Variants in REEP1 observed in about 807,000 individuals in gnomAD.
The protein encoded by REEP1 is receptor accessory protein 1, also known as receptor expression-enhancing protein 1.
REEP1 carries 22 observed loss-of-function variants against 40.3 expected under a neutral mutation model. The observed-to-expected ratio is 0.55, with a 90% CI of 0.39 to 0.78. The LOEUF (loss-of-function observed/expected upper bound fraction) is 0.78, where lower values mean the gene tolerates loss of function less well. Among genes scored for constraint, REEP1 ranks in the 30% least tolerant of loss-of-function variants. The pLI is 0.00. For synonymous variants in REEP1, 116 were observed against 139.2 expected (o/e 0.83, Z 1.17); for missense variants, 280 against 361.1 (o/e 0.78, Z 1.82).
At chr2:86,243,672 C>CGAGTTGACTAATATTTGG (rs1447160492) in intron 5 of REEP1, among the ~76,000 whole-genome samples, 4 of 152,160 alleles carry the variant, frequency 2.6e-5, no homozygotes, top group African/African-American at 9.7e-5. Flanking sequence ...AACTTGGGTA[C>CGAGTTGACTAATATTTGG]GAGTTGACTA....
intron 1 of REEP1, among the ~76,000 whole-genome samples, chr2:86,313,683 C>T (rs1679865599): frequency 6.6e-6 from 1 of 152,184 alleles, no homozygotes; most frequent in Non-Finnish European, 1.5e-5. Context: ...CCCCAGTTTG[C>T]TTTGAAAATA....
At chr2:86,294,129 G>A (rs971671668) in intron 1 of REEP1, among the ~76,000 whole-genome samples, 12 of 152,192 alleles carry the variant, frequency 7.9e-5, no homozygotes, top group African/African-American at 2.9e-4. Context: ...TAGAATGGTG[G>A]TTGCCACAGG....
chr2:86,316,689 T>C (rs1193797157), intron 1 of REEP1, among the ~76,000 whole-genome samples: 2 of 151,282 alleles, frequency 1.3e-5, no homozygotes, highest in African/African-American at 2.4e-5. Context: ...TGAAACCCTA[T>C]CTCTACTAAA....
intron 2 of REEP1, among the ~76,000 whole-genome samples, chr2:86,268,582 C>T (rs1677265286): frequency 6.6e-6 from 1 of 152,040 alleles, no homozygotes; most frequent in South Asian, 2.1e-4. Flanking sequence ...TTCAATGCAA[C>T]CCCAATCACA....
intron 2 of REEP1, among the ~76,000 whole-genome samples, chr2:86,279,414 A>G (rs1677936155): frequency 6.6e-6 from 1 of 152,206 alleles, no homozygotes; most frequent in Non-Finnish European, 1.5e-5. Flanking sequence ...ATGGCACTGG[A>G]TGTCATGTGG....
intron 1 of REEP1, among the ~76,000 whole-genome samples, chr2:86,314,838 A>G (rs1251888736): frequency 1.3e-5 from 2 of 150,704 alleles, no homozygotes; most frequent in Non-Finnish European, 3.0e-5. Context: ...GACTACAGGC[A>G]TGCGCCACCA....
chr2:86,285,392 G>A (rs1351374966), intron 1 of REEP1, among the ~76,000 whole-genome samples: 8 of 152,170 alleles, frequency 5.3e-5, no homozygotes, highest in Admixed American at 3.9e-4. Context: ...GCCTTATGTA[G>A]TAGCAGCAAT....
intron 3 of REEP1, 77 bp from the exon 4 acceptor site, chr2:86,254,891 G>A (rs1434423600): frequency 6.5e-7 from 1 of 1,549,594 alleles, no homozygotes; most frequent in African/African-American, 1.4e-5. Context: ...GACCCGGTGG[G>A]TGGCAAGGAC....
chr2:86,330,438 TGTGTG>T (rs1680715541), intron 1 of REEP1, among the ~76,000 whole-genome samples: 2 of 150,698 alleles, frequency 1.3e-5, no homozygotes, highest in African/African-American at 4.9e-5. Flanking sequence ...TGTGTGTGTG[TGTGTG>T]TGTGTGTGTG....
intron 5 of REEP1, among the ~76,000 whole-genome samples, chr2:86,237,676 C>A (rs947704196): frequency 1.3e-5 from 2 of 152,032 alleles, no homozygotes; most frequent in African/African-American, 4.8e-5. Context: ...GTGGCCACCA[C>A]CACGCCCGGC....
At chr2:86,240,188 A>G (rs1209761093) in intron 5 of REEP1, 1 of 152,496 alleles carries the variant, frequency 6.6e-6, no homozygotes. Flanking sequence ...TCACCCATTT[A>G]TTCACTCACT....
At chr2:86,293,352 G>A (rs1168390206) in intron 1 of REEP1, among the ~76,000 whole-genome samples, 1 of 152,240 alleles carries the variant, frequency 6.6e-6, no homozygotes, top group Admixed American at 6.5e-5. Flanking sequence ...CGTGTGCTAA[G>A]TATGGAAGGA....
At chr2:86,236,736 C>CG (rs1675346029) in intron 5 of REEP1, among the ~76,000 whole-genome samples, 1 of 139,286 alleles carries the variant, frequency 7.2e-6, no homozygotes, top group African/African-American at 2.5e-5. Flanking sequence ...TGATTTTCAT[C>CG]AATTTTTTTT....
intron 7 of REEP1, among the ~76,000 whole-genome samples, chr2:86,226,093 C>CCACCACCACCACCACCACCAT (rs1674672063): frequency 7.0e-6 from 1 of 143,208 alleles, no homozygotes; most frequent in African/African-American, 2.7e-5. Flanking sequence ...ACCACCACCA[C>CCACCACCACCACCACCACCAT]CACCACCACC....
At chr2:86,218,960 G>T (rs912340932) in intron 8 of REEP1, among the ~76,000 whole-genome samples, 46 of 152,342 alleles carry the variant, frequency 3.0e-4, no homozygotes, top group African/African-American at 1.0e-3. Context: ...CTCAGGCCGT[G>T]ATACTCAGCA....
intron 2 of REEP1, among the ~76,000 whole-genome samples, chr2:86,266,808 C>A (rs937732476): frequency 6.6e-6 from 1 of 151,304 alleles, no homozygotes; most frequent in African/African-American, 2.4e-5. Flanking sequence ...GAGATCGAGA[C>A]CATCCTGGCT....
chr2:86,220,179 T>C (rs1295608399), intron 7 of REEP1, 58 bp from the exon 8 acceptor site: 1 of 1,180,746 alleles, frequency 8.5e-7, no homozygotes, highest in African/African-American at 1.6e-5. Flanking sequence ...GAAGCATCAG[T>C]GCAGGGAGCA....
intron 6 of REEP1, among the ~76,000 whole-genome samples, chr2:86,231,221 G>C (rs1177193049): frequency 6.6e-6 from 1 of 152,042 alleles, no homozygotes; most frequent in Non-Finnish European, 1.5e-5. Flanking sequence ...GGCCTTTTGG[G>C]ATTCCATTCC....
chr2:86,256,173 T>C lies in REEP1; in HGVS notation c.183-1359A>G, dbSNP rs536166839. Among the ~76,000 whole-genome samples the C allele has an allele frequency of 8.8e-3, 1,338 of 151,604 alleles. 25 individuals are homozygous for C. Among genetic ancestry groups the C allele is most frequent in the African/African-American group, 0.031 (1,291 of 41,320 alleles). ...ACCAGCCTGACCAATATGGTGAAAC[T>C]CCGTCTCTACTAAAAAATACAAAAA... On this transcript the variant is annotated intron_variant, in intron 3 of 8. Transcript: ENST00000538924.
Sources: allele counts gnomAD v4.1 joint callset (sites outside exome capture counted in the v4.1 genomes callset), GRCh38; gene constraint gnomAD v4.1.1; transcripts MANE v1.5; gene names NCBI Gene and HGNC (gene_info 2026-07-23, HGNC 2026-07-21).